The following KLHL4 variants were observed in gnomAD, a reference collection of about 807,000 sequenced individuals.
KLHL4 encodes kelch like family member 4.
Under a neutral mutation model 45.8 loss-of-function variants are expected in KLHL4, and 17 were observed. That is an observed-to-expected ratio of 0.37 (90% CI 0.25 to 0.56). The LOEUF is 0.56. Ranked by LOEUF, KLHL4 falls within the 20% of genes least tolerant of loss-of-function variation. The pLI is 0.79. For missense variants in KLHL4, 544 were observed against 544.9 expected, an observed-to-expected ratio of 1.00 and a Z score of 0.02; for synonymous variants, 224 against 189.9, an observed-to-expected ratio of 1.18 and a Z score of -1.47.
intron 1 of KLHL4, among the ~76,000 whole-genome samples, chrX:87,541,976 A>T (rs1331434446): frequency 8.9e-6 from 1 of 112,179 alleles, no homozygotes; most frequent in Non-Finnish European, 1.9e-5. Context: ...ACTAGAGCCA[A>T]ATTCAAGCTT....
intron 1 of KLHL4, among the ~76,000 whole-genome samples, chrX:87,560,802 TAAC>T (rs1052287760): frequency 8.9e-6 from 1 of 111,929 alleles, no homozygotes; most frequent in African/African-American, 3.2e-5. Context: ...TTTTAATTCT[TAAC>T]AATATTTTTA....
chrX:87,597,925 A>G (rs1220190101), intron 1 of KLHL4, among the ~76,000 whole-genome samples: 1 of 110,745 alleles, frequency 9.0e-6, no homozygotes, highest in Admixed American at 9.7e-5. Flanking sequence ...GATCATCTCA[A>G]TGACGAGAGC....
intron 1 of KLHL4, among the ~76,000 whole-genome samples, chrX:87,544,577 T>C (rs1185046855): frequency 9.0e-6 from 1 of 111,599 alleles, no homozygotes; most frequent in Non-Finnish European, 1.9e-5. Context: ...TTTGTGTCAG[T>C]CCACACCAAG....
At chrX:87,621,840 T>G (rs1412614952) in intron 4 of KLHL4, among the ~76,000 whole-genome samples, 1 of 111,957 alleles carries the variant, frequency 8.9e-6, no homozygotes, top group Non-Finnish European at 1.9e-5. Context: ...AGCCTTTTTC[T>G]TATGGCTTTT....
intron 1 of KLHL4, among the ~76,000 whole-genome samples, chrX:87,582,326 C>A (rs1370358564): frequency 8.9e-6 from 1 of 111,815 alleles, no homozygotes; most frequent in Non-Finnish European, 1.9e-5. Context: ...CGGATGCCAC[C>A]ACTTCCCCAA....
intron 4 of KLHL4, among the ~76,000 whole-genome samples, chrX:87,618,464 T>C (rs1367699717): frequency 8.9e-6 from 1 of 112,029 alleles, no homozygotes; most frequent in East Asian, 2.8e-4. Context: ...GTACGAATTA[T>C]GATTTATAAA....
At chrX:87,624,933 GTTA>G (rs1922875092) in intron 5 of KLHL4, among the ~76,000 whole-genome samples, 1 of 112,231 alleles carries the variant, frequency 8.9e-6, no homozygotes, top group East Asian at 2.8e-4. Flanking sequence ...CACCATGTCT[GTTA>G]TTATTTTAAC....
chrX:87,574,432 T>C (rs899434430), intron 1 of KLHL4, among the ~76,000 whole-genome samples: 16 of 111,746 alleles, frequency 1.4e-4, no homozygotes, highest in African/African-American at 5.2e-4. Context: ...TCCAAACTAA[T>C]AGTTGTTTTC....
intron 9 of KLHL4, among the ~76,000 whole-genome samples, chrX:87,652,954 G>A (rs918425278): frequency 8.9e-6 from 1 of 112,198 alleles, no homozygotes; most frequent in Non-Finnish European, 1.9e-5. Flanking sequence ...ATGGCAGAAG[G>A]TGAAAGGCAC....
At chrX:87,574,291 C>T (rs986173884) in intron 1 of KLHL4, among the ~76,000 whole-genome samples, 14 of 111,155 alleles carry the variant, frequency 1.3e-4, no homozygotes, top group African/African-American at 2.0e-4. Context: ...CCATTTAAAC[C>T]GAAAATGTGT....
chrX:87,558,382 TCA>T (rs1453514295), intron 1 of KLHL4, among the ~76,000 whole-genome samples: 3 of 108,046 alleles, frequency 2.8e-5, no homozygotes, highest in African/African-American at 1.0e-4. Context: ...GAAAAGTGGC[TCA>T]CATATATGTG....
At chrX:87,599,461 A>G (rs1921939346) in intron 1 of KLHL4, among the ~76,000 whole-genome samples, 2 of 111,920 alleles carry the variant, frequency 1.8e-5, no homozygotes, top group South Asian at 7.3e-4. Context: ...TTCTTCAAAA[A>G]CATATGTACT....
intron 1 of KLHL4, among the ~76,000 whole-genome samples, chrX:87,543,104 C>T (rs1180806929): frequency 9.0e-6 from 1 of 111,175 alleles, no homozygotes; most frequent in Admixed American, 9.6e-5. Flanking sequence ...CCTGCTACCC[C>T]TTTGCCTTCC....
At chrX:87,642,810 C>T (rs1281391632) in intron 9 of KLHL4, among the ~76,000 whole-genome samples, 2 of 111,621 alleles carry the variant, frequency 1.8e-5, no homozygotes, top group Admixed American at 9.5e-5. Flanking sequence ...ATGTAGAGCT[C>T]AAAGACAAGG....
chrX:87,602,376 C>T (rs376903457), intron 1 of KLHL4, among the ~76,000 whole-genome samples: 1 of 111,258 alleles, frequency 9.0e-6, no homozygotes, highest in Non-Finnish European at 1.9e-5. Flanking sequence ...ACTCATTCAC[C>T]CACCCAGAGC....
chrX:87,537,257 A>G (rs762110046), intron 1 of KLHL4, among the ~76,000 whole-genome samples: 2 of 111,462 alleles, frequency 1.8e-5, no homozygotes, highest in Non-Finnish European at 1.9e-5. Flanking sequence ...CCAAGAGATC[A>G]TTGGCTTGGA....
At chrX:87,594,381 A>G (rs1921771361) in intron 1 of KLHL4, among the ~76,000 whole-genome samples, 1 of 111,749 alleles carries the variant, frequency 8.9e-6, no homozygotes, top group Non-Finnish European at 1.9e-5. Context: ...TCTAATTCCT[A>G]TACGGTTTCA....
intron 1 of KLHL4, among the ~76,000 whole-genome samples, chrX:87,530,786 A>C (rs1363184677): frequency 9.7e-6 from 1 of 103,006 alleles, no homozygotes; most frequent in African/African-American, 3.7e-5. Flanking sequence ...GTATATACCC[A>C]GTAATGGGAT....
chrX:87,557,132 A>G (rs990505845), intron 1 of KLHL4, among the ~76,000 whole-genome samples: 1 of 112,255 alleles, frequency 8.9e-6, no homozygotes, highest in African/African-American at 3.2e-5. Flanking sequence ...TTTAGAATAA[A>G]CTGTGACTGA....
Sources: gnomAD v4.1 joint callset for allele counts (sites outside exome capture counted in the v4.1 genomes callset) on GRCh38, gnomAD v4.1.1 for gene constraint, MANE v1.5 for transcripts, NCBI Gene and HGNC (gene_info 2026-07-23, HGNC 2026-07-21) for gene names.